The following KCNQ1 variants were observed in gnomAD, a reference collection of about 807,000 sequenced individuals.
KCNQ1 encodes the protein potassium voltage-gated channel subfamily Q member 1, also known as potassium voltage-gated channel subfamily KQT member 1.
In KCNQ1, 49 loss-of-function variants were observed where a neutral mutation model predicts 72.4. The observed-to-expected ratio is 0.68, with a 90% CI of 0.54 to 0.86. The LOEUF (loss-of-function observed/expected upper bound fraction) is 0.86. KCNQ1 is among the 40% of genes least tolerant of loss of function. The pLI, the probability that KCNQ1 is intolerant of heterozygous loss-of-function variation, is 0.00. For synonymous variants in KCNQ1, 450 were observed against 412.6 expected (o/e 1.09, Z -1.10); for missense variants, 790 against 945.1 (o/e 0.84, Z 2.15).
intron 6 of KCNQ1, among the ~76,000 whole-genome samples, chr11:2,583,031 G>A (rs1052984023): frequency 2.6e-5 from 4 of 152,134 alleles, no homozygotes; most frequent in Non-Finnish European, 5.9e-5. Context: ...CTTTGTTGAC[G>A]ACCAGCCTCA....
chr11:2,671,410 G>A lies in KCNQ1; in HGVS notation c.1514+9329G>A, dbSNP rs1213402228. The A allele has an allele frequency of 1.0e-5, 4 of 398,470 alleles. No individual in the cohort carries two copies. Among genetic ancestry groups the A allele is most frequent in the African/African-American group, 8.2e-5 (4 of 48,608 alleles). The allele number at this position is 398,470 out of a possible 1,614,324, so 24.7% of individuals were successfully genotyped here. On this transcript the variant is annotated intron_variant, in intron 11 of 15. Transcript: ENST00000155840. The surrounding 1 kb of genome is among the most constrained non-coding windows in gnomAD (Gnocchi z 4.7). ...GGCATGCCTCTCCCAGGGTACTCTG[G>A]ATGTGCACCCAGAGATTCTCCCACT...
rs1850342747 is a variant in KCNQ1, at chr11:2,679,040, T to G, written c.1514+16959T>G. ...AATCTAAAACTTGTAGCCCAGCCCCTCCTCCATACCAACCACCAAAAAAAC... is the reference window on the plus strand; with the variant it reads ...AATCTAAAACTTGTAGCCCAGCCCCGCCTCCATACCAACCACCAAAAAAAC... On this transcript the variant is annotated intron_variant, in intron 11 of 15. Coordinates refer to ENST00000155840, the MANE Select transcript of KCNQ1 (RefSeq NM_000218.3). This position sits in a 1 kb window ranked among gnomAD's most constrained non-coding sequence, Gnocchi z 4.8. 1 of 398,430 alleles carries G rather than the reference T, an allele frequency of 2.5e-6. No individual in the cohort carries two copies. The highest frequency in any genetic ancestry group is 4.4e-6 in the Non-Finnish European group (1 of 226,068). 24.7% of individuals were successfully genotyped at this position (398,430 alleles called of 1,614,324 possible).
Position 2,734,540 on chromosome 11 carries a change from G to A in KCNQ1, c.1515-34304G>A, listed in dbSNP as rs1359758005. On this transcript the variant is annotated intron_variant, in intron 11 of 15. Coordinates refer to ENST00000155840, the MANE Select transcript of KCNQ1 (RefSeq NM_000218.3). This position sits in a 1 kb window ranked among gnomAD's most constrained non-coding sequence, Gnocchi z 7.0. ...GCCCCTTGGCTGAGAGCCAGATGTG[G>A]GGAGCGGGGCTGTCGAGGCTGATCT... is the stretch of plus-strand genomic sequence containing the variant. Among the ~76,000 whole-genome samples, 1 of 152,150 alleles carries A rather than the reference G, an allele frequency of 6.6e-6. No individual in the cohort carries two copies. Among genetic ancestry groups the A allele is most frequent in the East Asian group, 1.9e-4 (1 of 5,160 alleles).
At position 2,767,612 on chromosome 11, in the gene KCNQ1, G is replaced by C. The variant is rs548729482; in HGVS notation, c.1515-1232G>C. ...GCCACGCGCAAAGCACCTTACTCCA[G>C]TAGGGGATTGAGAGAGGTGGGGTTA... On this transcript the variant is annotated intron_variant, in intron 11 of 15. Transcript: ENST00000155840. The surrounding 1 kb of genome is among the most constrained non-coding windows in gnomAD (Gnocchi z 4.6). 6.6e-6 allele frequency among the ~76,000 whole-genome samples: 1 copy of C among 152,168 alleles called. No individual in the cohort carries two copies. The highest frequency in any genetic ancestry group is 1.5e-5 in the Non-Finnish European group (1 of 68,032).
At chr11:2,591,881 C>A (rs553778574) in intron 10 of KCNQ1, among the ~76,000 whole-genome samples, 2 of 152,386 alleles carry the variant, frequency 1.3e-5, no homozygotes, top group African/African-American at 4.8e-5. Context: ...GACAGAGCGA[C>A]CCCTGATAAT....
chr11:2,669,730 C>T lies in KCNQ1; in HGVS notation c.1514+7649C>T, dbSNP rs959044303. On this transcript the variant is annotated intron_variant, in intron 11 of 15. Transcript: ENST00000155840. The surrounding 1 kb of genome is among the most constrained non-coding windows in gnomAD (Gnocchi z 5.6). ...GCCACATACCTGACTCGGGGAAATG[C>T]CTGAAAATATTAGCCAGCATAGAAT... 7.5e-6 allele frequency: 3 copies of T among 398,502 alleles called. No homozygotes were observed. In the East Asian group the frequency reaches 1.1e-4, roughly 14 times the overall value. The allele number at this position is 398,502 out of a possible 1,614,324, so 24.7% of individuals were successfully genotyped here. A position where few individuals can be genotyped will look rare whatever the true frequency, so the allele number is the denominator to read the frequency against.
chr11:2,555,260 G>T (rs1335819323), intron 2 of KCNQ1, among the ~76,000 whole-genome samples: 1 of 152,148 alleles, frequency 6.6e-6, no homozygotes, highest in Admixed American at 6.5e-5. Flanking sequence ...TAGAAGCTTC[G>T]GCTCCTGGCA....
chr11:2,718,134 C>T (rs536313319), intron 11 of KCNQ1, among the ~76,000 whole-genome samples: 6 of 152,204 alleles, frequency 3.9e-5, no homozygotes, highest in South Asian at 2.1e-4. Context: ...CACTTTGAGG[C>T]CCTCCCTGCC....
In KCNQ1 at chr11:2,595,334, C is replaced by T. The variant is rs575320644; in HGVS notation, c.1393+6480C>T. Among the ~76,000 whole-genome samples the T allele has an allele frequency of 4.6e-5, 7 of 152,230 alleles. No homozygotes were observed. Among genetic ancestry groups the T allele is most frequent in the African/African-American group, 1.7e-4 (7 of 41,522 alleles). On this transcript the variant is annotated intron_variant, in intron 10 of 15. Transcript: ENST00000155840. The surrounding 1 kb of genome is among the most constrained non-coding windows in gnomAD (Gnocchi z 5.0). ...AATCAATTCCATTCATATATTCTTG[C>T]AGCAAATAACCAGAAATTGAGATTT...
intron 1 of KCNQ1, among the ~76,000 whole-genome samples, chr11:2,489,338 C>T (rs1274572580): frequency 6.6e-6 from 1 of 152,202 alleles, no homozygotes; most frequent in African/African-American, 2.4e-5. Context: ...ACACCCAGCA[C>T]AGAGGGAGCA....
At chr11:2,581,594 C>A (rs1055544021) in intron 6 of KCNQ1, among the ~76,000 whole-genome samples, 2 of 152,242 alleles carry the variant, frequency 1.3e-5, no homozygotes, top group Non-Finnish European at 1.5e-5. Flanking sequence ...CTGCGCTGTG[C>A]GTTCAAGGTG....
intron 2 of KCNQ1, among the ~76,000 whole-genome samples, chr11:2,568,876 ATTTTTGTTTTTCGT>A (rs1226105902): frequency 6.6e-6 from 1 of 151,456 alleles, no homozygotes; most frequent in African/African-American, 2.4e-5. Flanking sequence ...TTGTTTTTTG[ATTTTTGTTTTTCGT>A]TTTTTGTTTT....
Position 2,696,976 on chromosome 11 carries a change from T to C in KCNQ1, c.1514+34895T>C, listed in dbSNP as rs1590038631. The stretch of plus-strand genomic sequence containing the variant: ...TAGTTGTTAAGTTCCTTAATTTTTT[T>C]TTTCCATGTAGCCCAGTAATTTTCA... On this transcript the variant is annotated intron_variant, in intron 11 of 15. Transcript: ENST00000155840. The C allele has an allele frequency of 7.5e-6, 3 of 398,590 alleles. No homozygotes were observed. In the East Asian group the frequency reaches 1.1e-4, roughly 14 times the overall value. The allele number at this position is 398,590 out of a possible 1,614,324, so 24.7% of individuals were successfully genotyped here.
chr11:2,547,611 T>G lies in KCNQ1; in HGVS notation c.477+19593T>G, dbSNP rs972254255. On this transcript the variant is annotated intron_variant, in intron 2 of 15. Coordinates refer to ENST00000155840, the MANE Select transcript of KCNQ1 (RefSeq NM_000218.3). The surrounding 1 kb of genome is among the most constrained non-coding windows in gnomAD (Gnocchi z 4.2). ...TGGTCCCTGGTTTCTCATTTAACCC[T>G]TTACTGTCTGGCTTACCGTTTTTAT... Among the ~76,000 whole-genome samples the G allele has an allele frequency of 1.1e-4, 16 of 152,208 alleles. No individual in the cohort carries two copies. Among genetic ancestry groups the G allele is most frequent in the African/African-American group, 3.9e-4 (16 of 41,444 alleles).
In KCNQ1 at chr11:2,621,772, A is replaced by G; in HGVS notation, c.1393+32918A>G. 5.0e-6 allele frequency: 2 copies of G among 398,266 alleles called. No homozygotes were observed. Among genetic ancestry groups the G allele is most frequent in the Non-Finnish European group, 4.4e-6 (1 of 225,944 alleles). The allele number at this position is 398,266 out of a possible 1,614,324, so 24.7% of individuals were successfully genotyped here. On this transcript the variant is annotated intron_variant, in intron 10 of 15. Coordinates refer to ENST00000155840, the MANE Select transcript of KCNQ1 (RefSeq NM_000218.3). The surrounding 1 kb of genome is among the most constrained non-coding windows in gnomAD (Gnocchi z 5.7). ...CTGATTTTGTCCTCTTTCTTAGTCC[A>G]AGAGTTTGTTGATTTTATTTTTCAA...
intron 10 of KCNQ1, chr11:2,622,837 C>G: frequency 2.5e-6 from 1 of 398,638 alleles, no homozygotes; most frequent in Non-Finnish European, 4.4e-6. Context: ...AACTCTCCCA[C>G]CAGAGTGGCA....
intron 11 of KCNQ1, among the ~76,000 whole-genome samples, chr11:2,738,070 G>A (rs1180252296): frequency 1.3e-5 from 2 of 152,196 alleles, no homozygotes; most frequent in Non-Finnish European, 2.9e-5. Context: ...GGCCTGGACT[G>A]CTGGCCCCAG....
intron 15 of KCNQ1, among the ~76,000 whole-genome samples, chr11:2,831,288 G>A (rs759082815): frequency 2.6e-5 from 4 of 152,206 alleles, no homozygotes; most frequent in Non-Finnish European, 5.9e-5. Context: ...GTTGGGCCAT[G>A]AGAAGAAGTA....
rs552147410 is a variant in KCNQ1 at position 2,515,038 on chromosome 11, T to G, written c.387-12890T>G. Among the ~76,000 whole-genome samples the G allele has an allele frequency of 1.3e-5, 2 of 152,306 alleles. No individual in the cohort carries two copies. The highest frequency in any genetic ancestry group is 6.5e-5 in the Admixed American group (1 of 15,300). On this transcript the variant is annotated intron_variant, in intron 1 of 15. Coordinates refer to ENST00000155840, the MANE Select transcript of KCNQ1 (RefSeq NM_000218.3). The surrounding 1 kb of genome is among the most constrained non-coding windows in gnomAD (Gnocchi z 4.7). ...TCAAGTCTTTCTTGTTTTTTTATGTTATTTTATTTTAGATTTGAGGAGTAC... is the reference window on the plus strand; with the variant it reads ...TCAAGTCTTTCTTGTTTTTTTATGTGATTTTATTTTAGATTTGAGGAGTAC...
Sources: gnomAD v4.1 joint callset for allele counts (sites outside exome capture counted in the v4.1 genomes callset) on GRCh38, gnomAD v4.1.1 for gene constraint, Gnocchi (gnomAD v3.1) non-coding constraint, MANE v1.5 for transcripts, NCBI Gene and HGNC (gene_info 2026-07-23, HGNC 2026-07-21) for gene names.